The following SORCS3 variants were observed in gnomAD, a reference collection of about 807,000 sequenced individuals.
SORCS3 encodes VPS10 domain-containing receptor SorCS3.
Under a neutral mutation model 146.3 loss-of-function variants are expected in SORCS3, and 57 were observed. The ratio of observed to expected loss-of-function variants is 0.39; its 90% CI spans 0.31 to 0.49. The LOEUF is 0.49. Ranked by LOEUF, SORCS3 falls within the 20% of genes least tolerant of loss-of-function variation. The pLI is 0.92. For synonymous variants in SORCS3, 653 were observed against 618.5 expected, an observed-to-expected ratio of 1.06 and a Z score of -0.83; for missense variants, 1,341 against 1,575.5, an observed-to-expected ratio of 0.85 and a Z score of 2.52.
chr10:105,218,495 G>A (rs996521984), intron 19 of SORCS3, among the ~76,000 whole-genome samples: 7 of 152,188 alleles, frequency 4.6e-5, no homozygotes, highest in Non-Finnish European at 1.0e-4. Flanking sequence ...GTGGGGTGCT[G>A]CTACAAATGA....
chr10:104,664,871 C>T (rs2015750027), intron 1 of SORCS3: 3 of 152,292 alleles, frequency 2.0e-5, no homozygotes, highest in Admixed American at 2.0e-4. Flanking sequence ...ATTAAAGAAG[C>T]ATTCAGAGAA....
intron 5 of SORCS3, among the ~76,000 whole-genome samples, chr10:105,066,015 C>T (rs936737039): frequency 3.3e-5 from 5 of 152,068 alleles, no homozygotes; most frequent in Non-Finnish European, 5.9e-5. Context: ...TTCCCAAGAC[C>T]CTAGAAATAC....
At position 104,697,502 on chromosome 10, in the gene SORCS3, A is replaced by G. The variant is rs566935945; in HGVS notation, c.627+55548A>G. On this transcript the variant is annotated intron_variant, in intron 1 of 26. Transcript: ENST00000369701. ...CTGGGCGAGAAATTGCTTAGGTCTG[A>G]TGGTGTATTTACTGGGTCTTCTTGT... Among the ~76,000 whole-genome samples the G allele has an allele frequency of 2.0e-5, 3 of 152,156 alleles. No individual in the cohort carries two copies. In the South Asian group the frequency reaches 6.2e-4, roughly 31 times the overall value.
chr10:104,658,331 G>A (rs887874252), intron 1 of SORCS3, among the ~76,000 whole-genome samples: 1 of 152,202 alleles, frequency 6.6e-6, no homozygotes, highest in Non-Finnish European at 1.5e-5. Flanking sequence ...GAGGTCACAT[G>A]TATGCACATG....
At chr10:104,736,469 G>A (rs1276059263) in intron 1 of SORCS3, among the ~76,000 whole-genome samples, 2 of 152,108 alleles carry the variant, frequency 1.3e-5, no homozygotes, top group Non-Finnish European at 2.9e-5. Flanking sequence ...TGAGGGCTGG[G>A]TTTTTGACTG....
intron 1 of SORCS3, among the ~76,000 whole-genome samples, chr10:104,818,408 C>CCTTCCTTCCTTCCTTCCTTCCT (rs1564690841): frequency 4.0e-5 from 6 of 150,596 alleles, no homozygotes; most frequent in South Asian, 2.1e-4. Context: ...TTCCTTCTTT[C>CCTTCCTTCCTTCCTTCCTTCCT]TCTCTTTTTT....
At chr10:104,936,457 T>G (rs553205288) in intron 3 of SORCS3, among the ~76,000 whole-genome samples, 7 of 152,120 alleles carry the variant, frequency 4.6e-5, no homozygotes, top group Non-Finnish European at 1.0e-4. Context: ...GATTTCAACT[T>G]GAGTGGCTGG....
At chr10:104,687,639 C>A (rs1206042924) in intron 1 of SORCS3, among the ~76,000 whole-genome samples, 1 of 152,024 alleles carries the variant, frequency 6.6e-6, no homozygotes, top group Non-Finnish European at 1.5e-5. Context: ...AAGAAGCCCC[C>A]AGGTTTCAAG....
chr10:104,821,133 A>G (rs1846258204), intron 1 of SORCS3, among the ~76,000 whole-genome samples: 1 of 152,280 alleles, frequency 6.6e-6, no homozygotes, highest in South Asian at 2.1e-4. Flanking sequence ...CGGGTTCCAC[A>G]CTGTGTACCT....
chr10:104,919,708 T>TA (rs775105348), intron 3 of SORCS3, among the ~76,000 whole-genome samples: 4 of 151,906 alleles, frequency 2.6e-5, no homozygotes, highest in Non-Finnish European at 5.9e-5. Context: ...AAAAAGAAAT[T>TA]AATGTTCATA....
At chr10:105,052,839 G>A (rs923364366) in intron 5 of SORCS3, among the ~76,000 whole-genome samples, 22 of 152,086 alleles carry the variant, frequency 1.4e-4, no homozygotes, top group African/African-American at 4.8e-4. Flanking sequence ...TTGGTTGCAC[G>A]GAGGAGAAAC....
intron 1 of SORCS3, among the ~76,000 whole-genome samples, chr10:104,818,393 C>CTTCCTTCT (rs1463821367): frequency 1.3e-4 from 19 of 147,814 alleles, no homozygotes; most frequent in African/African-American, 4.7e-4. Flanking sequence ...TCCTTCCTTC[C>CTTCCTTCT]TTCCTTCCTT....
Position 105,173,544 on chromosome 10 carries a change from C to A in SORCS3, c.1902-4522C>A, listed in dbSNP as rs116475610. On this transcript the variant is annotated intron_variant, in intron 13 of 26. Transcript: ENST00000369701. ...CCACTATTAATAATCTTCATCCAAG[C>A]CCCATCTTGGTGTGGTCTCTTAAAT... 9.8e-3 allele frequency among the ~76,000 whole-genome samples: 1,498 copies of A among 152,200 alleles called. 33 individuals carry two copies. The highest frequency in any genetic ancestry group is 0.047 in the South Asian group (227 of 4,824).
intron 1 of SORCS3, among the ~76,000 whole-genome samples, chr10:104,823,780 GA>G (rs1645483354): frequency 6.6e-6 from 1 of 152,224 alleles, no homozygotes; most frequent in Non-Finnish European, 1.5e-5. Flanking sequence ...TAGGTCACAT[GA>G]CAAAGGGAAA....
At chr10:105,066,344 T>G (rs1425763690) in intron 5 of SORCS3, among the ~76,000 whole-genome samples, 4 of 152,090 alleles carry the variant, frequency 2.6e-5, no homozygotes, top group African/African-American at 9.7e-5. Flanking sequence ...TGGGAAACAG[T>G]AGACTTGAGG....
chr10:104,773,174 T>G (rs1305133047), intron 1 of SORCS3, among the ~76,000 whole-genome samples: 5 of 151,860 alleles, frequency 3.3e-5, no homozygotes, highest in Admixed American at 2.6e-4. Flanking sequence ...GCTGGAGAGG[T>G]GACAGTCATG....
intron 2 of SORCS3, among the ~76,000 whole-genome samples, chr10:104,861,687 G>T (rs2018405067): frequency 6.6e-6 from 1 of 152,164 alleles, no homozygotes; most frequent in African/African-American, 2.4e-5. Context: ...CATGGAGAGT[G>T]AAATGGCAGG....
intron 1 of SORCS3, among the ~76,000 whole-genome samples, chr10:104,775,523 G>A (rs555998583): frequency 7.9e-5 from 12 of 152,162 alleles, no homozygotes; most frequent in African/African-American, 2.9e-4. Context: ...GTGCATAAGA[G>A]ATGATATGTT....
At chr10:104,955,241 C>A (rs1036453015) in intron 3 of SORCS3, among the ~76,000 whole-genome samples, 5 of 152,124 alleles carry the variant, frequency 3.3e-5, no homozygotes, top group Admixed American at 6.6e-5. Context: ...TTTCCCTATT[C>A]TGGATATTTC....
Sources: gnomAD v4.1 joint callset for allele counts (sites outside exome capture counted in the v4.1 genomes callset) on GRCh38, gnomAD v4.1.1 for gene constraint, MANE v1.5 for transcripts, NCBI Gene and HGNC (gene_info 2026-07-23, HGNC 2026-07-21) for gene names.